CNTN5: variants seen among roughly 807,000 people sequenced by gnomAD.
The protein encoded by CNTN5 is contactin 5.
CNTN5 carries 77 observed loss-of-function variants against 129.1 expected under a neutral mutation model. The observed-to-expected ratio is 0.60, with a 90% CI of 0.50 to 0.72. CNTN5 has a LOEUF of 0.72. CNTN5 is among the 30% of genes least tolerant of loss of function. CNTN5 has a pLI of 0.00. For missense variants in CNTN5, 1,478 were observed against 1,328.8 expected (o/e 1.11, Z -1.75); for synonymous variants, 509 against 465.6 (o/e 1.09, Z -1.20).
intron 13 of CNTN5, among the ~76,000 whole-genome samples, chr11:100,144,259 G>C (rs1946782809): frequency 1.3e-5 from 2 of 152,028 alleles, no homozygotes; most frequent in Admixed American, 6.6e-5. Flanking sequence ...TACATGTGCA[G>C]ATTTGTTATG....
chr11:100,215,222 T>C (rs913771456), intron 15 of CNTN5, among the ~76,000 whole-genome samples: 3 of 152,220 alleles, frequency 2.0e-5, no homozygotes, highest in African/African-American at 7.2e-5. Flanking sequence ...CCAGAATAGA[T>C]GTCCCAATGG....
rs112533535 is a variant in CNTN5, at chr11:100,065,822, T to C, written c.1162+4429T>C. Reference sequence around the variant, plus strand: ...TAATGTTACAGAAAACTGTATGATATATTAAAATCCTTGCCATTAGTTTTT... The same window carrying C: ...TAATGTTACAGAAAACTGTATGATACATTAAAATCCTTGCCATTAGTTTTT... On this transcript the variant is annotated intron_variant, in intron 10 of 24. Transcript: ENST00000524871. Among the ~76,000 whole-genome samples the C allele has an allele frequency of 5.9e-5, 9 of 152,274 alleles. No homozygotes were observed. The East Asian group carries it at 1.2e-3, about 20-fold the overall frequency.
intron 16 of CNTN5, among the ~76,000 whole-genome samples, chr11:100,238,924 G>T (rs1441764630): frequency 1.3e-5 from 2 of 152,098 alleles, no homozygotes; most frequent in African/African-American, 2.4e-5. Context: ...AGTACATTTT[G>T]ACTACCTCTC....
At chr11:99,985,080 C>CTGGGTGT (rs1938594066) in intron 8 of CNTN5, among the ~76,000 whole-genome samples, 2 of 152,080 alleles carry the variant, frequency 1.3e-5, no homozygotes, top group Non-Finnish European at 2.9e-5. Flanking sequence ...GCTCCACTAC[C>CTGGGTGT]CATAGAGTGC....
chr11:99,929,682 G>A (rs1950147172), intron 7 of CNTN5, among the ~76,000 whole-genome samples: 1 of 152,130 alleles, frequency 6.6e-6, no homozygotes, highest in Admixed American at 6.5e-5. Flanking sequence ...CATGAGAACA[G>A]CATGAGGGTA....
intron 2 of CNTN5, among the ~76,000 whole-genome samples, chr11:99,515,840 T>A (rs1052868043): frequency 6.6e-6 from 1 of 151,994 alleles, no homozygotes; most frequent in African/African-American, 2.4e-5. Context: ...TTATATCAAT[T>A]GCTATTATCT....
chr11:99,349,999 G>A (rs935334774), intron 2 of CNTN5, among the ~76,000 whole-genome samples: 14 of 152,004 alleles, frequency 9.2e-5, no homozygotes, highest in Non-Finnish European at 1.5e-5. Context: ...GGTGATAGAA[G>A]GTTGAAAAAA....
intron 21 of CNTN5, among the ~76,000 whole-genome samples, chr11:100,319,786 G>T (rs1363440203): frequency 6.6e-6 from 1 of 152,064 alleles, no homozygotes; most frequent in Non-Finnish European, 1.5e-5. Flanking sequence ...GTCCACATAT[G>T]GGTAAGACCA....
At chr11:99,646,740 G>T (rs1458982693) in intron 3 of CNTN5, among the ~76,000 whole-genome samples, 1 of 146,030 alleles carries the variant, frequency 6.8e-6, no homozygotes, top group African/African-American at 2.5e-5. Flanking sequence ...ATGTGTAAAT[G>T]ACAATATGTG....
chr11:100,336,941 G>A (rs574944332), intron 21 of CNTN5: 47 of 670,310 alleles, frequency 7.0e-5, no homozygotes, highest in South Asian at 4.5e-4. Flanking sequence ...GCTTTGGATC[G>A]CGGGCACCTT....
At chr11:99,544,076 C>T (rs1186923137) in intron 2 of CNTN5, among the ~76,000 whole-genome samples, 1 of 152,052 alleles carries the variant, frequency 6.6e-6, no homozygotes, top group Non-Finnish European at 1.5e-5. Context: ...GTTTAATTGG[C>T]TCACAGTTAT....
intron 1 of CNTN5, among the ~76,000 whole-genome samples, chr11:99,320,114 C>A (rs1169628420): frequency 6.6e-6 from 1 of 152,100 alleles, no homozygotes; most frequent in African/African-American, 2.4e-5. Context: ...GTGGCAGGCA[C>A]CTGTAGTCCC....
At chr11:99,580,712 C>G (rs896072329) in intron 3 of CNTN5, among the ~76,000 whole-genome samples, 4 of 150,346 alleles carry the variant, frequency 2.7e-5, no homozygotes, top group African/African-American at 9.8e-5. Flanking sequence ...CTATTTGATT[C>G]TTCTCTCTTT....
chr11:100,028,649 C>T, intron 9 of CNTN5, among the ~76,000 whole-genome samples: 1 of 152,290 alleles, frequency 6.6e-6, no homozygotes, highest in East Asian at 1.9e-4. Flanking sequence ...ATAAACCTCT[C>T]TCTGCTGCCC....
chr11:99,303,299 C>T (rs557142578), intron 1 of CNTN5, among the ~76,000 whole-genome samples: 6 of 151,274 alleles, frequency 4.0e-5, no homozygotes, highest in Admixed American at 6.6e-5. Context: ...TTTTTGTAAG[C>T]GCTTAACTCA....
At chr11:99,834,213 A>G (rs1947232730) in intron 4 of CNTN5, among the ~76,000 whole-genome samples, 1 of 152,140 alleles carries the variant, frequency 6.6e-6, no homozygotes, top group Non-Finnish European at 1.5e-5. Flanking sequence ...GGTGCCTCTC[A>G]TGACACTTGG....
chr11:100,103,389 T>C (rs1480022293), intron 13 of CNTN5, among the ~76,000 whole-genome samples: 3 of 152,178 alleles, frequency 2.0e-5, no homozygotes, highest in Non-Finnish European at 2.9e-5. Flanking sequence ...GAACAATCCA[T>C]GTCTTGGAGC....
chr11:99,547,256 C>T (rs1290794087), intron 2 of CNTN5, among the ~76,000 whole-genome samples: 2 of 152,148 alleles, frequency 1.3e-5, no homozygotes, highest in African/African-American at 2.4e-5. Flanking sequence ...CCGCCTGCCT[C>T]GGCCTCCCAA....
intron 2 of CNTN5, among the ~76,000 whole-genome samples, chr11:99,426,614 T>C (rs555471560): frequency 6.6e-6 from 1 of 152,330 alleles, no homozygotes; most frequent in Admixed American, 6.5e-5. Context: ...GCTGGTCTTG[T>C]ATCAGTGCCT....
Sources: gnomAD v4.1 joint callset for allele counts (sites outside exome capture counted in the v4.1 genomes callset) on GRCh38, gnomAD v4.1.1 for gene constraint, MANE v1.5 for transcripts, NCBI Gene and HGNC (gene_info 2026-07-23, HGNC 2026-07-21) for gene names.